ITGAM: variants seen among roughly 807,000 people sequenced by gnomAD.
The protein encoded by ITGAM is integrin alpha-M.
A neutral mutation model predicts 137.5 loss-of-function variants in ITGAM; 79 were observed. The observed-to-expected ratio is 0.57, with a 90% CI of 0.48 to 0.69. The LOEUF (loss-of-function observed/expected upper bound fraction) is 0.69, where lower values mean the gene tolerates loss of function less well. ITGAM is among the 30% of genes least tolerant of loss of function. The pLI is 0.00. For synonymous variants in ITGAM, 583 were observed against 592.3 expected (o/e 0.98, Z 0.23); for missense variants, 1,343 against 1,483.5 (o/e 0.91, Z 1.56).
At chr16:31,327,552 C>A (rs1166422147) in intron 22 of ITGAM, among the ~76,000 whole-genome samples, 1 of 151,800 alleles carries the variant, frequency 6.6e-6, no homozygotes, top group Non-Finnish European at 1.5e-5. Context: ...TGAGATGGTG[C>A]CACTGCACTC....
At chr16:31,261,636 C>G in intron 1 of ITGAM, 56 bp from the exon 2 acceptor site, 1 of 1,132,306 alleles carries the variant, frequency 8.8e-7, no homozygotes, top group East Asian at 2.5e-5. Context: ...AGGACTACAG[C>G]CCCTAACTGG....
At chr16:31,272,628 C>T (rs1596980047) in intron 7 of ITGAM, among the ~76,000 whole-genome samples, 2 of 148,686 alleles carry the variant, frequency 1.3e-5, no homozygotes, top group Admixed American at 6.8e-5. Flanking sequence ...GGATTACATG[C>T]GTCCATCACC....
At chr16:31,273,291 A>AT in intron 7 of ITGAM, 74 bp from the exon 8 acceptor site, 1 of 1,335,106 alleles carries the variant, frequency 7.5e-7, no homozygotes, top group Non-Finnish European at 1.0e-6. Context: ...GTGAGTGTCT[A>AT]TTTCTTAAAA....
At chr16:31,276,838 A>C in intron 10 of ITGAM, 82 bp from the exon 11 acceptor site, 1 of 1,585,894 alleles carries the variant, frequency 6.3e-7, no homozygotes, top group Non-Finnish European at 8.6e-7. Flanking sequence ...TCTCTGTGAT[A>C]GATACTTGGG....
chr16:31,321,479 G>A lies in ITGAM; in HGVS notation c.1854G>A (p.Leu618=). The A allele has an allele frequency of 6.2e-7, 1 of 1,614,004 alleles. No individual in the cohort carries two copies. Among genetic ancestry groups the A allele is most frequent in the Non-Finnish European group, 8.5e-7 (1 of 1,179,894 alleles). Residue 618 remains leucine (L), a synonymous_variant, in exon 16 of 30, where the codon CTG becomes CTA. Coordinates refer to ENST00000544665, the MANE Select transcript of ITGAM (RefSeq NM_000632.4). The part of the protein sequence containing the change: ...HVLLLRSQPV[L]RVKAIMEFNP... ...GTCCCTTTAGGTCCCAGCCAGTACTGAGAGTCAAGGCAATCATGGAGTTCA... is the reference window on the plus strand; with the variant it reads ...GTCCCTTTAGGTCCCAGCCAGTACTAAGAGTCAAGGCAATCATGGAGTTCA...
At chr16:31,319,498 T>C (rs2080425813) in intron 14 of ITGAM, among the ~76,000 whole-genome samples, 1 of 152,204 alleles carries the variant, frequency 6.6e-6, no homozygotes. Context: ...TCTCTTTTGG[T>C]TACCATTTTA....
In ITGAM at chr16:31,321,473, A is replaced by T; in HGVS notation, c.1848A>T (p.Pro616=). The change falls in exon 16 of 30, where the codon CCA becomes CCT. Residue 616 remains proline, a synonymous_variant. Transcript: ENST00000544665. ...TCTGGTGTCCCTTTAGGTCCCAGCC[A>T]GTACTGAGAGTCAAGGCAATCATGG... ...QGHVLLLRSQ[P]VLRVKAIMEF... is the part of the protein sequence containing the mutation. 1 of 1,614,034 alleles carries T rather than the reference A, an allele frequency of 6.2e-7. No homozygotes were observed. The highest frequency in any genetic ancestry group is 8.5e-7 in the Non-Finnish European group (1 of 1,179,904).
chr16:31,310,602 T>C (rs556451163), intron 14 of ITGAM, among the ~76,000 whole-genome samples: 2 of 152,322 alleles, frequency 1.3e-5, no homozygotes, highest in African/African-American at 4.8e-5. Flanking sequence ...TCGTCTAATT[T>C]TTTTTCAAAG....
chr16:31,298,694 A>G (rs973190106), intron 14 of ITGAM, among the ~76,000 whole-genome samples: 3 of 152,212 alleles, frequency 2.0e-5, no homozygotes, highest in Admixed American at 6.5e-5. Flanking sequence ...GGGATTGCAC[A>G]CTTCACAGAT....
chr16:31,269,721 G>C (rs1431256995), intron 5 of ITGAM, among the ~76,000 whole-genome samples: 2 of 152,198 alleles, frequency 1.3e-5, no homozygotes, highest in African/African-American at 4.8e-5. Flanking sequence ...CTGGGTTTAT[G>C]GGTTGAGGAG....
At chr16:31,262,241 CCCTTCCTT>C (rs150381197) in intron 2 of ITGAM, among the ~76,000 whole-genome samples, 2 of 151,214 alleles carry the variant, frequency 1.3e-5, no homozygotes, top group South Asian at 4.2e-4. Flanking sequence ...CTCCCTTCCT[CCCTTCCTT>C]CCTTCCTTCC....
Position 31,273,422 on chromosome 16 carries a change from T to C in ITGAM, c.762T>C (p.Val254=), listed in dbSNP as rs565904949. ...GAAAGAATGCCTTTAAGATCCTAGT[T>C]GTCATCACGGATGGAGAAAAGTTTG... ...GARKNAFKIL[V]VITDGEKFGD... Residue 254 remains valine, a synonymous_variant, in exon 8 of 30, where the codon GTT becomes GTC. Transcript: ENST00000544665. 5.0e-6 allele frequency: 8 copies of C among 1,613,878 alleles called. No homozygotes were observed. The highest frequency in any genetic ancestry group is 5.9e-6 in the Non-Finnish European group (7 of 1,179,846).
chr16:31,308,355 G>C (rs377281237), intron 14 of ITGAM, among the ~76,000 whole-genome samples: 2 of 152,040 alleles, frequency 1.3e-5, no homozygotes, highest in African/African-American at 4.8e-5. Flanking sequence ...CAGAGATTCA[G>C]CTTCTTCCTG....
rs535209271 is a variant in ITGAM at position 31,282,786 on chromosome 16, G to A, written c.1356+4677G>A. ...ATGATGTTAGCTGGTTATTTTGCTC[G>A]TTAGTTGATGCAGTTTCTTCCTAGC... On this transcript the variant is annotated intron_variant, in intron 12 of 29. Transcript: ENST00000544665. 1.1e-4 allele frequency among the ~76,000 whole-genome samples: 16 copies of A among 152,222 alleles called. No homozygotes were observed. The East Asian group carries it at 1.9e-3, about 18-fold the overall frequency.
intron 10 of ITGAM, 49 bp from the exon 11 acceptor site, chr16:31,276,871 G>T (rs745692804): frequency 6.9e-6 from 11 of 1,596,172 alleles, no homozygotes; most frequent in Non-Finnish European, 9.4e-6. Context: ...GAGGGGCAGC[G>T]GTTGTCCCTT....
chr16:31,310,872 TG>T (rs1435600622), intron 14 of ITGAM, among the ~76,000 whole-genome samples: 2 of 152,184 alleles, frequency 1.3e-5, no homozygotes. Context: ...GATGGGTTTT[TG>T]GTGTGGATGT....
chr16:31,297,626 AG>A lies in ITGAM; in HGVS notation c.1471del (p.Val491CysfsTer34). ...PHYYEQTRGG[Q>X]VSVCPLPRGR... is the part of the protein sequence containing the mutation. Reference sequence around the variant, plus strand: ...TACTACGAGCAGACCCGAGGGGGCCAGGTGTCCGTGTGCCCCTTGCCCAGGG... The same window carrying A: ...TACTACGAGCAGACCCGAGGGGGCCAGTGTCCGTGTGCCCCTTGCCCAGGG... On this transcript the variant is annotated frameshift_variant, in exon 13 of 30. Transcript: ENST00000544665. LOFTEE classifies it high-confidence loss of function. The A allele has an allele frequency of 6.2e-7, 1 of 1,613,422 alleles. No homozygotes were observed. The highest frequency in any genetic ancestry group is 8.5e-7 in the Non-Finnish European group (1 of 1,179,918).
chr16:31,303,060 G>A (rs749707227), intron 14 of ITGAM, among the ~76,000 whole-genome samples: 9 of 147,468 alleles, frequency 6.1e-5, no homozygotes, highest in Admixed American at 2.1e-4. Flanking sequence ...TTGAGACAAG[G>A]TCTCCCTCTG....
At chr16:31,299,765 T>TTCCTCCTCC (rs377637740) in intron 14 of ITGAM, among the ~76,000 whole-genome samples, 2,405 of 121,726 alleles carry the variant, frequency 0.02, 56 homozygotes, top group Non-Finnish European at 0.03. Context: ...CCTCCTCCTC[T>TTCCTCCTCC]TCCTCCTCCT....
Sources: gnomAD v4.1 joint callset for allele counts (sites outside exome capture counted in the v4.1 genomes callset) on GRCh38, gnomAD v4.1.1 for gene constraint, MANE v1.5 for transcripts, NCBI Gene and HGNC (gene_info 2026-07-23, HGNC 2026-07-21) for gene names.